TRIM48: variants seen among roughly 807,000 people sequenced by gnomAD.
The protein encoded by TRIM48 is tripartite motif containing 48, also known as E3 ubiquitin-protein ligase TRIM48.
TRIM48 carries 31 observed loss-of-function variants against 29.5 expected under a neutral mutation model. The observed-to-expected ratio is 1.05, with a 90% CI of 0.79 to 1.42. The LOEUF is 1.42. Among genes scored for constraint, TRIM48 ranks in the 40% most tolerant of loss-of-function variants. TRIM48 has a pLI of 0.00. For synonymous variants in TRIM48, 128 were observed against 90.6 expected (o/e 1.41, Z -2.34); for missense variants, 344 against 265.0 (o/e 1.30, Z -2.07).
At chr11:55,262,536 C>T (rs931953677) in intron 1 of TRIM48, among the ~76,000 whole-genome samples, 1 of 151,792 alleles carries the variant, frequency 6.6e-6, no homozygotes, top group Non-Finnish European at 1.5e-5. Flanking sequence ...CTAGTGTTTG[C>T]TGCAACAGAT....
At position 55,270,572 on chromosome 11, in the gene TRIM48, G is replaced by A; in HGVS notation, c.*137G>A. The stretch of plus-strand genomic sequence containing the variant: ...ACACCTACAAGTTTTCTTGCATGGG[G>A]TGCTCAGACTTTCACCTCTGGCAAA... On this transcript the variant is annotated 3_prime_UTR_variant, in exon 6 of 6. Coordinates refer to ENST00000417545, the MANE Select transcript of TRIM48 (RefSeq NM_024114.5). 1 of 1,583,596 alleles carries A rather than the reference G, an allele frequency of 6.3e-7. No homozygotes were observed. The highest frequency in any genetic ancestry group is 8.6e-7 in the Non-Finnish European group (1 of 1,165,814).
chr11:55,266,774 C>G lies in TRIM48; in HGVS notation c.555+1079C>G, dbSNP rs1330311777. On this transcript the variant is annotated intron_variant, in intron 3 of 5. Transcript: ENST00000417545. ...AGTGTGTATATGTGTGTGTGTGTGT[C>G]TGTGTGTAAAATTCCAGTTGGAGAG... is the stretch of plus-strand genomic sequence containing the variant. Among the ~76,000 whole-genome samples the G allele has an allele frequency of 8.0e-4, 117 of 146,676 alleles. 5 individuals are homozygous for G. The highest frequency in any genetic ancestry group is 2.6e-3 in the African/African-American group (104 of 40,078).
intron 5 of TRIM48, 27 bp from the exon 6 acceptor site, chr11:55,270,410 C>CTACT: frequency 1.4e-6 from 2 of 1,399,088 alleles, no homozygotes; most frequent in Non-Finnish European, 1.9e-6. Context: ...TTCTTTCTTT[C>CTACT]TATTTATTTA....
rs747471351 is a variant in TRIM48, at chr11:55,269,363, A to AC, written c.*1+29dup. 5.1e-6 allele frequency: 8 copies of AC among 1,567,542 alleles called. 1 individual carries two copies. Among genetic ancestry groups the AC allele is most frequent in the Non-Finnish European group, 6.9e-6 (8 of 1,162,342 alleles). ...AGGTAAGTCTCCACCCACAGGCAGC[A>AC]CCCCCACTATCTAAATATTATTATT... is the stretch of plus-strand genomic sequence containing the variant. On this transcript the variant is annotated intron_variant, in intron 5 of 5. Transcript: ENST00000417545.
chr11:55,268,334 T>TA lies in TRIM48; in HGVS notation c.556-16_556-15insA. 1 of 627,244 alleles carries TA rather than the reference T, an allele frequency of 1.6e-6. No individual in the cohort carries two copies. Among genetic ancestry groups the TA allele is most frequent in the Non-Finnish European group, 2.2e-6 (1 of 450,002 alleles). The allele number at this position is 627,244 out of a possible 1,614,324, so 38.9% of individuals were successfully genotyped here. A position where few individuals can be genotyped will look rare whatever the true frequency, so the allele number is the denominator to read the frequency against. ...TTGTGAACTGCACTAAATCTTTCTATTTTTTTTTTTTACAGGCTTTTGGAG... is the reference window on the plus strand; with the variant it reads ...TTGTGAACTGCACTAAATCTTTCTATATTTTTTTTTTTACAGGCTTTTGGAG... On this transcript the variant is annotated splice_polypyrimidine_tract_variant and intron_variant, in intron 3 of 5. Coordinates refer to ENST00000417545, the MANE Select transcript of TRIM48 (RefSeq NM_024114.5).
In TRIM48 at chr11:55,262,205, G is replaced by T; in HGVS notation, c.-63G>T. The T allele has an allele frequency of 3.0e-6, 4 of 1,343,708 alleles. No homozygotes were observed. The highest frequency in any genetic ancestry group is 1.3e-5 in the South Asian group (1 of 79,750). 83.2% of individuals were successfully genotyped at this position (1,343,708 alleles called of 1,614,324 possible). On this transcript the variant is annotated 5_prime_UTR_variant, in exon 1 of 6. Coordinates refer to ENST00000417545, the MANE Select transcript of TRIM48 (RefSeq NM_024114.5). ...CACTTAGAGGGAGCTGTGTTTTGGT[G>T]ACCTCTGAAACTCAGTACTGCAGCG...
rs554621098 is a variant in TRIM48 at position 55,269,094 on chromosome 11, G to T, written c.579-148G>T. On this transcript the variant is annotated intron_variant, in intron 4 of 5. Coordinates refer to ENST00000417545, the MANE Select transcript of TRIM48 (RefSeq NM_024114.5). ...CTTTAAAATTTGGAAACTGTAAATAGAAATTAATTCCAAAAAGGAAGGAAT... is the reference window on the plus strand; with the variant it reads ...CTTTAAAATTTGGAAACTGTAAATATAAATTAATTCCAAAAAGGAAGGAAT... The T allele has an allele frequency of 4.4e-5, 56 of 1,279,050 alleles. 5 individuals carry two copies. Among genetic ancestry groups the T allele is most frequent in the African/African-American group, 3.9e-4 (26 of 67,188 alleles). 79.2% of individuals were successfully genotyped at this position (1,279,050 alleles called of 1,614,324 possible). A position where few individuals can be genotyped will look rare whatever the true frequency, so the allele number is the denominator to read the frequency against.
intron 2 of TRIM48, 106 bp downstream of exon 2, chr11:55,265,420 A>T: frequency 2.0e-6 from 3 of 1,528,126 alleles, no homozygotes; most frequent in Non-Finnish European, 8.8e-7. Context: ...CCTTTAAGCA[A>T]CTCTCTTTTG....
In TRIM48 at chr11:55,266,552, G is replaced by A. The variant is rs144148675; in HGVS notation, c.555+857G>A. Reference sequence around the variant, plus strand: ...AATATGTGCAATACATGATGTGTTCGAGTGTGGTAAGTTCTTTGTTGGAGA... The same window carrying A: ...AATATGTGCAATACATGATGTGTTCAAGTGTGGTAAGTTCTTTGTTGGAGA... On this transcript the variant is annotated intron_variant, in intron 3 of 5. Transcript: ENST00000417545. Among the ~76,000 whole-genome samples the A allele has an allele frequency of 6.7e-3, 989 of 147,598 alleles. 89 individuals carry two copies. The highest frequency in any genetic ancestry group is 0.023 in the African/African-American group (950 of 40,466).
intron 3 of TRIM48, among the ~76,000 whole-genome samples, chr11:55,266,085 T>G (rs1295685776): frequency 6.8e-6 from 1 of 147,666 alleles, no homozygotes; most frequent in Non-Finnish European, 1.5e-5. Context: ...TTAATCTGAA[T>G]GCTGGTGGAC....
At chr11:55,267,377 T>C in intron 3 of TRIM48, 1 of 1,557,642 alleles carries the variant, frequency 6.4e-7, no homozygotes. Context: ...TATATACATT[T>C]CTCTTTTGAC....
At chr11:55,262,785 G>T (rs1388197333) in intron 1 of TRIM48, among the ~76,000 whole-genome samples, 1 of 143,504 alleles carries the variant, frequency 7.0e-6, no homozygotes, top group Non-Finnish European at 1.5e-5. Context: ...TCCCAGTTTG[G>T]AAATCAAAAC....
At chr11:55,266,229 G>T (rs1346091873) in intron 3 of TRIM48, among the ~76,000 whole-genome samples, 1 of 147,574 alleles carries the variant, frequency 6.8e-6, no homozygotes, top group Non-Finnish European at 1.5e-5. Flanking sequence ...AAAGTGGTGA[G>T]AAATATGGAT....
In TRIM48 at chr11:55,267,469, T is replaced by A. The variant is rs201678462; in HGVS notation, c.556-881T>A. 61 of 1,579,366 alleles carry A rather than the reference T, an allele frequency of 3.9e-5. 11 individuals are homozygous for A. The East Asian group carries it at 1.4e-3, about 37-fold the overall frequency. On this transcript the variant is annotated intron_variant, in intron 3 of 5. Coordinates refer to ENST00000417545, the MANE Select transcript of TRIM48 (RefSeq NM_024114.5). ...AGTATCAGAAGATGCCTGCATTTCA[T>A]CATGAAGAAGAAAAACATAATTTGG... is the stretch of plus-strand genomic sequence containing the variant.
chr11:55,270,777 G>C lies in TRIM48; in HGVS notation c.*342G>C, dbSNP rs1316673130. ...TTACCACCTCCCCAATTACACTGCA[G>C]TATGTCCCAAGACCTACCAACCATG... On this transcript the variant is annotated 3_prime_UTR_variant, in exon 6 of 6. Transcript: ENST00000417545. 1.9e-6 allele frequency: 3 copies of C among 1,574,330 alleles called. No individual in the cohort carries two copies. Among genetic ancestry groups the C allele is most frequent in the South Asian group, 1.2e-5 (1 of 83,424 alleles).
In TRIM48 at chr11:55,270,091, A is replaced by C. The variant is rs1857457845; in HGVS notation, c.*2-346A>C. Among the ~76,000 whole-genome samples the C allele has an allele frequency of 4.0e-5, 6 of 148,422 alleles. No homozygotes were observed. In the South Asian group the frequency reaches 1.4e-3, roughly 36 times the overall value. ...AATGATGGCACTAGTTTTTAAGAATAAGAAACATTTCTAAATAAAGATCTT... is the reference window on the plus strand; with the variant it reads ...AATGATGGCACTAGTTTTTAAGAATCAGAAACATTTCTAAATAAAGATCTT... On this transcript the variant is annotated intron_variant, in intron 5 of 5. Transcript: ENST00000417545.
intron 3 of TRIM48, among the ~76,000 whole-genome samples, chr11:55,267,068 C>A (rs1456326501): frequency 6.8e-6 from 1 of 147,716 alleles, no homozygotes; most frequent in Non-Finnish European, 1.5e-5. Context: ...TAATTATTTC[C>A]TTTCTAGTAA....
chr11:55,269,783 C>G (rs1413097594), intron 5 of TRIM48, among the ~76,000 whole-genome samples: 2 of 146,874 alleles, frequency 1.4e-5, no homozygotes, highest in Non-Finnish European at 3.0e-5. Context: ...TTATGTATTT[C>G]CAAGAAAATT....
intron 2 of TRIM48, 76 bp downstream of exon 2, chr11:55,265,390 G>A (rs1419433779): frequency 6.4e-7 from 1 of 1,565,304 alleles, no homozygotes; most frequent in Non-Finnish European, 8.6e-7. Context: ...TTGGAGATTG[G>A]GTAAAGCCAA....
Sources: allele counts gnomAD v4.1 joint callset (sites outside exome capture counted in the v4.1 genomes callset), GRCh38; gene constraint gnomAD v4.1.1; transcripts MANE v1.5; gene names NCBI Gene and HGNC (gene_info 2026-07-23, HGNC 2026-07-21).